The following RTCB variants were observed in gnomAD, a reference collection of about 807,000 sequenced individuals.
RTCB encodes the protein RNA-splicing ligase RTCB.
RTCB carries 32 observed loss-of-function variants against 58.2 expected under a neutral mutation model. The observed-to-expected ratio is 0.55, with a 90% CI of 0.41 to 0.74. The LOEUF (loss-of-function observed/expected upper bound fraction) is 0.74. Among genes scored for constraint, RTCB ranks in the 30% least tolerant of loss-of-function variants. The pLI is 0.00. For missense variants in RTCB, 523 were observed against 639.0 expected (o/e 0.82, Z 1.96); for synonymous variants, 247 against 218.6 (o/e 1.13, Z -1.15).
At chr22:32,400,864 G>A (rs1933325045) in intron 5 of RTCB, among the ~76,000 whole-genome samples, 1 of 152,080 alleles carries the variant, frequency 6.6e-6, no homozygotes, top group Admixed American at 6.5e-5. Context: ...CAAAGTTTAG[G>A]GTGCACTGCT....
chr22:32,396,288 C>G (rs1266145433), intron 7 of RTCB, 39 bp from the exon 8 acceptor site: 2 of 1,599,820 alleles, frequency 1.3e-6, no homozygotes, highest in African/African-American at 2.7e-5. Flanking sequence ...AGTTAGCTTT[C>G]CCTTAAATGA....
At chr22:32,390,774 C>A (rs56946080) in intron 11 of RTCB, among the ~76,000 whole-genome samples, 5,263 of 152,148 alleles carry the variant, frequency 0.035, 288 homozygotes, top group African/African-American at 0.12. Context: ...TTTAAATTAA[C>A]CATGTATTCT....
At chr22:32,388,564 T>C (rs866151614) in intron 11 of RTCB, among the ~76,000 whole-genome samples, 7 of 152,192 alleles carry the variant, frequency 4.6e-5, no homozygotes, top group Non-Finnish European at 8.8e-5. Flanking sequence ...TTCATATATG[T>C]ATAAAACAAA....
At chr22:32,388,310 A>G (rs891056295) in intron 11 of RTCB, among the ~76,000 whole-genome samples, 2 of 148,362 alleles carry the variant, frequency 1.3e-5, no homozygotes, top group Non-Finnish European at 3.0e-5. Context: ...TTTTTTCTGT[A>G]TTTTTCAAAA....
rs1054027897 is a variant in RTCB at position 32,396,626 on chromosome 22, T to C, written c.815-377A>G. 3.9e-5 allele frequency among the ~76,000 whole-genome samples: 6 copies of C among 152,320 alleles called. No homozygotes were observed. In the East Asian group the frequency reaches 1.2e-3, roughly 29 times the overall value. The stretch of plus-strand genomic sequence containing the variant: ...ATGATTAATCAAATCCATGACAAAA[T>C]GCAGAGAAGTACTCAGGGGAATGTT... On this transcript the variant is annotated intron_variant, in intron 7 of 11. Transcript: ENST00000216038.
At chr22:32,400,606 C>T (rs895268824) in intron 5 of RTCB, among the ~76,000 whole-genome samples, 18 of 152,152 alleles carry the variant, frequency 1.2e-4, no homozygotes, top group African/African-American at 4.1e-4. Context: ...TTTGTGTGTT[C>T]CACGTATGCT....
At chr22:32,389,742 T>C (rs918468821) in intron 11 of RTCB, among the ~76,000 whole-genome samples, 3 of 152,234 alleles carry the variant, frequency 2.0e-5, no homozygotes, top group Non-Finnish European at 2.9e-5. Flanking sequence ...CTCCCTCTTT[T>C]CTGCATCATT....
At position 32,392,309 on chromosome 22, in the gene RTCB, A is replaced by T; in HGVS notation, c.1341T>A (p.Asp447Glu). The change falls in exon 11 of 12, where the codon GAT becomes GAA. Residue 447 changes from aspartate to glutamate, a missense_variant. Coordinates refer to ENST00000216038, the MANE Select transcript of RTCB (RefSeq NM_014306.5). ...CCATATCTGCCAATTTGTCTAAGAC[A>T]TCCTGGAAATCTAAATTACGTCGAG... ...AKSRRNLDFQDVLDKLADMGI... is the reference protein window; with the variant it reads ...AKSRRNLDFQEVLDKLADMGI... 6.2e-7 allele frequency: 1 copy of T among 1,614,172 alleles called. No homozygotes were observed. The highest frequency in any genetic ancestry group is 8.5e-7 in the Non-Finnish European group (1 of 1,180,006).
intron 4 of RTCB, among the ~76,000 whole-genome samples, chr22:32,402,239 G>GT: frequency 6.6e-6 from 1 of 151,974 alleles, no homozygotes; most frequent in East Asian, 1.9e-4. Context: ...CAACTTTTGC[G>GT]TTTCTTGGTC....
intron 6 of RTCB, 22 bp downstream of exon 6, chr22:32,399,581 T>C (rs1165356445): frequency 6.3e-7 from 1 of 1,579,328 alleles, no homozygotes; most frequent in Non-Finnish European, 8.6e-7. Context: ...AATTAACATG[T>C]TGCCCCTCCA....
At chr22:32,410,626 T>A (rs1238506461) in intron 1 of RTCB, among the ~76,000 whole-genome samples, 1 of 152,176 alleles carries the variant, frequency 6.6e-6, no homozygotes, top group African/African-American at 2.4e-5. Flanking sequence ...CAGCAGTGTG[T>A]GCATCAAAGG....
At chr22:32,392,381 C>A in intron 10 of RTCB, 22 bp from the exon 11 acceptor site, 1 of 1,613,218 alleles carries the variant, frequency 6.2e-7, no homozygotes, top group Non-Finnish European at 8.5e-7. Context: ...AAGGAATGAA[C>A]TTTACTTTAA....
chr22:32,401,712 C>A, intron 5 of RTCB, 35 bp downstream of exon 5: 1 of 1,607,806 alleles, frequency 6.2e-7, no homozygotes, highest in South Asian at 1.1e-5. Flanking sequence ...GTTATTATCC[C>A]TCCCATACCA....
At chr22:32,392,172 C>CT in intron 11 of RTCB, 68 bp downstream of exon 11, 1 of 1,536,314 alleles carries the variant, frequency 6.5e-7, no homozygotes, top group Non-Finnish European at 8.8e-7. Flanking sequence ...ATTGCTGTCT[C>CT]TGTAGACTGG....
At position 32,398,894 on chromosome 22, in the gene RTCB, C is replaced by T. The variant is rs141753727; in HGVS notation, c.654+709G>A. ...GTGCTGGAAGAGTCTTTAGAGGTTGCCTAGTTTTAACCATCCCAGTTTTCC... is the reference window on the plus strand; with the variant it reads ...GTGCTGGAAGAGTCTTTAGAGGTTGTCTAGTTTTAACCATCCCAGTTTTCC... On this transcript the variant is annotated intron_variant, in intron 6 of 11. Coordinates refer to ENST00000216038, the MANE Select transcript of RTCB (RefSeq NM_014306.5). Among the ~76,000 whole-genome samples, 12 of 152,248 alleles carry T rather than the reference C, an allele frequency of 7.9e-5. No homozygotes were observed. In the East Asian group the frequency reaches 2.3e-3, roughly 29 times the overall value.
chr22:32,391,382 T>C (rs1490573379), intron 11 of RTCB, among the ~76,000 whole-genome samples: 2 of 151,498 alleles, frequency 1.3e-5, no homozygotes, highest in Non-Finnish European at 2.9e-5. Context: ...GAAAAAACTA[T>C]GACAATAAGT....
chr22:32,411,997 C>A (rs1933534700), intron 1 of RTCB, 67 bp downstream of exon 1: 1 of 1,237,412 alleles, frequency 8.1e-7, no homozygotes, highest in Non-Finnish European at 1.2e-6. Flanking sequence ...GTCCAGAGGG[C>A]GCAGTGGACG....
chr22:32,397,861 T>C, intron 7 of RTCB, 80 bp downstream of exon 7: 1 of 1,359,442 alleles, frequency 7.4e-7, no homozygotes, highest in Non-Finnish European at 1.0e-6. Context: ...ACCCATGCAG[T>C]ATATTTCAGA....
At chr22:32,403,754 TAATAC>T (rs760997401) in intron 4 of RTCB, among the ~76,000 whole-genome samples, 15 of 152,190 alleles carry the variant, frequency 9.9e-5, no homozygotes, top group East Asian at 1.9e-4. Context: ...CCATTAAAAG[TAATAC>T]AATACAATAC....
Sources: gnomAD v4.1 joint callset for allele counts (sites outside exome capture counted in the v4.1 genomes callset) on GRCh38, gnomAD v4.1.1 for gene constraint, MANE v1.5 for transcripts, NCBI Gene and HGNC (gene_info 2026-07-23, HGNC 2026-07-21) for gene names.